GPM6A: variants seen among roughly 807,000 people sequenced by gnomAD.
The protein encoded by GPM6A is glycoprotein M6A.
In GPM6A, 7 loss-of-function variants were observed where a neutral mutation model predicts 32.1. The ratio of observed to expected loss-of-function variants is 0.22; its 90% CI spans 0.12 to 0.41. The LOEUF (loss-of-function observed/expected upper bound fraction) is 0.41. Among genes scored for constraint, GPM6A ranks in the 10% least tolerant of loss-of-function variants. GPM6A has a pLI of 1.00. For synonymous variants in GPM6A, 130 were observed against 123.4 expected, an observed-to-expected ratio of 1.05 and a Z score of -0.35; for missense variants, 235 against 347.2, an observed-to-expected ratio of 0.68 and a Z score of 2.57.
intron 1 of GPM6A, among the ~76,000 whole-genome samples, chr4:175,733,473 A>C (rs1731521123): frequency 6.6e-6 from 1 of 152,190 alleles, no homozygotes; most frequent in Non-Finnish European, 1.5e-5. Context: ...ACTGCACTAC[A>C]GCCTAGGTGA....
intron 1 of GPM6A, among the ~76,000 whole-genome samples, chr4:175,963,710 A>G (rs556264611): frequency 6.6e-6 from 1 of 152,296 alleles, no homozygotes; most frequent in East Asian, 1.9e-4. Flanking sequence ...AAAGGAATAA[A>G]TAAGGGTAAA....
At chr4:175,713,526 G>A (rs577873538) in intron 1 of GPM6A, among the ~76,000 whole-genome samples, 24 of 152,196 alleles carry the variant, frequency 1.6e-4, no homozygotes, top group African/African-American at 5.8e-4. Context: ...TTAGAATATA[G>A]CTCAAATAAT....
intron 1 of GPM6A, among the ~76,000 whole-genome samples, chr4:175,939,291 C>G (rs750748072): frequency 6.6e-6 from 1 of 152,132 alleles, no homozygotes; most frequent in African/African-American, 2.4e-5. Flanking sequence ...TAGGCAAGCT[C>G]GTGTAGCAGT....
At chr4:175,849,939 G>A (rs992616056) in intron 1 of GPM6A, among the ~76,000 whole-genome samples, 2 of 152,160 alleles carry the variant, frequency 1.3e-5, no homozygotes, top group African/African-American at 4.8e-5. Flanking sequence ...TATTCTGGGA[G>A]AGAGACTAGC....
At position 175,830,970 on chromosome 4, in the gene GPM6A, G is replaced by T. The variant is rs534343168; in HGVS notation, c.-22-18721C>A. On this transcript the variant is annotated intron_variant, in intron 1 of 7. Transcript: ENST00000280187. Reference sequence around the variant, plus strand: ...TTTATTTATCCCCTAAACTGGAAAAGAAATCTAAATTGCTGAGTTTATTTG... The same window carrying T: ...TTTATTTATCCCCTAAACTGGAAAATAAATCTAAATTGCTGAGTTTATTTG... Among the ~76,000 whole-genome samples, 320 of 152,166 alleles carry T rather than the reference G, an allele frequency of 2.1e-3. 2 individuals carry two copies. Among genetic ancestry groups the T allele is most frequent in the African/African-American group, 7.3e-3 (304 of 41,538 alleles).
intron 1 of GPM6A, among the ~76,000 whole-genome samples, chr4:175,709,487 T>C (rs1745407668): frequency 6.6e-6 from 1 of 152,040 alleles, no homozygotes; most frequent in Non-Finnish European, 1.5e-5. Flanking sequence ...CCCAGAACTT[T>C]AGGAGGCCGA....
chr4:175,801,925 T>C (rs1379429116), intron 1 of GPM6A, among the ~76,000 whole-genome samples: 1 of 152,086 alleles, frequency 6.6e-6, no homozygotes, highest in Admixed American at 6.6e-5. Context: ...GATACACAGA[T>C]GATATGAAAG....
At position 175,679,055 on chromosome 4, in the gene GPM6A, T is replaced by A. The variant is rs913163220; in HGVS notation, c.231-5219A>T. Among the ~76,000 whole-genome samples the A allele has an allele frequency of 2.2e-4, 33 of 152,166 alleles. 1 individual carries two copies. Among genetic ancestry groups the A allele is most frequent in the African/African-American group, 2.4e-5 (1 of 41,448 alleles). ...GTCAAATCTTTATTTGTATTTCAAT[T>A]TCATCAACCAACTCAATGATGAACT... On this transcript the variant is annotated intron_variant, in intron 2 of 6. Transcript: ENST00000393658.
intron 1 of GPM6A, among the ~76,000 whole-genome samples, chr4:175,930,619 G>A (rs1430147434): frequency 6.6e-6 from 1 of 151,940 alleles, no homozygotes; most frequent in African/African-American, 2.4e-5. Flanking sequence ...CTCAAAAGCT[G>A]ATTCTCATTT....
intron 1 of GPM6A, among the ~76,000 whole-genome samples, chr4:175,897,598 T>C (rs1198774222): frequency 6.6e-6 from 1 of 152,150 alleles, no homozygotes; most frequent in Non-Finnish European, 1.5e-5. Flanking sequence ...CTTTAGTGAG[T>C]TTATTTCTTG....
intron 1 of GPM6A, among the ~76,000 whole-genome samples, chr4:175,771,507 G>A (rs1733189575): frequency 6.8e-6 from 1 of 146,892 alleles, no homozygotes; most frequent in Admixed American, 6.9e-5. Context: ...GGAGGCAGAG[G>A]CTGCATTGCA....
intron 1 of GPM6A, among the ~76,000 whole-genome samples, chr4:175,911,854 T>C (rs1738331290): frequency 6.6e-6 from 1 of 152,126 alleles, no homozygotes; most frequent in Non-Finnish European, 1.5e-5. Context: ...CCCTTTCAAG[T>C]TTAGATGTCA....
chr4:175,774,465 T>C (rs1322796115), intron 1 of GPM6A, among the ~76,000 whole-genome samples: 1 of 152,100 alleles, frequency 6.6e-6, no homozygotes, highest in Non-Finnish European at 1.5e-5. Context: ...TATGAGGATA[T>C]TAATTTAACT....
At chr4:175,962,070 A>C (rs985070654) in intron 1 of GPM6A, 1 of 727,650 alleles carries the variant, frequency 1.4e-6, no homozygotes, top group Admixed American at 1.8e-5. Context: ...AGATGTTGCC[A>C]ATCTGGTTAA....
intron 1 of GPM6A, among the ~76,000 whole-genome samples, chr4:175,895,552 C>A (rs888153060): frequency 3.3e-5 from 5 of 151,988 alleles, no homozygotes; most frequent in African/African-American, 1.2e-4. Context: ...GTATGTATAT[C>A]ACCAAGAGAT....
At chr4:175,955,202 G>C (rs1739946201) in intron 1 of GPM6A, among the ~76,000 whole-genome samples, 1 of 152,234 alleles carries the variant, frequency 6.6e-6, no homozygotes, top group Admixed American at 6.5e-5. Flanking sequence ...AATTCCATCT[G>C]TTCCAACAAG....
upstream of GPM6A, chr4:175,812,383 G>A: frequency 7.5e-7 from 1 of 1,334,836 alleles, no homozygotes; most frequent in Non-Finnish European, 9.4e-7. Context: ...AGTCCTCAGA[G>A]CTTAGCTCAG....
chr4:175,859,108 G>A (rs1490092530), intron 1 of GPM6A, among the ~76,000 whole-genome samples: 1 of 152,146 alleles, frequency 6.6e-6, no homozygotes, highest in African/African-American at 2.4e-5. Flanking sequence ...ATTCCCAAGA[G>A]GCATGAAGAA....
At chr4:175,982,105 T>C (rs1385524649) in intron 1 of GPM6A, among the ~76,000 whole-genome samples, 1 of 152,140 alleles carries the variant, frequency 6.6e-6, no homozygotes, top group East Asian at 1.9e-4. Flanking sequence ...GTTTTCTTGT[T>C]AGTGGGTTTT....
Sources: allele counts gnomAD v4.1 joint callset (sites outside exome capture counted in the v4.1 genomes callset), GRCh38; gene constraint gnomAD v4.1.1; transcripts MANE v1.5; gene names NCBI Gene and HGNC (gene_info 2026-07-23, HGNC 2026-07-21).